TNNT1: variants seen among roughly 807,000 people sequenced by gnomAD.
TNNT1 encodes the protein troponin T, slow skeletal muscle.
TNNT1 carries 53 observed loss-of-function variants against 50.6 expected under a neutral mutation model. That is an observed-to-expected ratio of 1.05 (90% CI 0.84 to 1.32). The LOEUF is 1.32. Among genes scored for constraint, TNNT1 ranks in the 40% most tolerant of loss-of-function variants. The pLI is 0.00. For missense variants in TNNT1, 348 were observed against 381.7 expected, an observed-to-expected ratio of 0.91 and a Z score of 0.74; for synonymous variants, 142 against 138.0, an observed-to-expected ratio of 1.03 and a Z score of -0.20.
rs2085551955 is a variant in TNNT1 at position 55,146,391 on chromosome 19, G to T, written c.106+43C>A. 2.2e-6 allele frequency: 3 copies of T among 1,339,594 alleles called. No homozygotes were observed. In the South Asian group the frequency reaches 5.9e-5, roughly 26 times the overall value. 83.0% of individuals were successfully genotyped at this position (1,339,594 alleles called of 1,614,324 possible). On this transcript the variant is annotated intron_variant, in intron 5 of 13. Coordinates refer to ENST00000588981, the MANE Select transcript of TNNT1 (RefSeq NM_003283.6). ...CCCGAGGATATCGGGGGTCCCCCCGGGCCCCCGACATCGGTCTCGGGAAGC... is the reference window on the plus strand; with the variant it reads ...CCCGAGGATATCGGGGGTCCCCCCGTGCCCCCGACATCGGTCTCGGGAAGC...
rs760326240 is a variant in TNNT1, at chr19:55,141,869, G to A, written c.180C>T (p.Arg60=). 9.3e-6 allele frequency: 15 copies of A among 1,613,906 alleles called. No individual in the cohort carries two copies. In the African/African-American group the frequency reaches 1.9e-4, roughly 20 times the overall value. The change falls in exon 7 of 14, where the codon CGC becomes CGT. Residue 60 remains arginine (R), a synonymous_variant. Coordinates refer to ENST00000588981, the MANE Select transcript of TNNT1 (RefSeq NM_003283.6). ...LIPPKIPEGE[R]VDFDDIHRKR... is the part of the protein sequence containing the mutation. ...TCTTGTCACTTACATCGAAGTCAAC[G>A]CGCTCCCCTTCTGGGATCTTTGGCG...
chr19:55,133,066 C>T, intron 13 of TNNT1, 106 bp from the exon 14 acceptor site: 1 of 1,048,220 alleles, frequency 9.5e-7, no homozygotes, highest in Non-Finnish European at 1.4e-6. Context: ...ATTAGCCCTC[C>T]CTGCCCAGAG....
chr19:55,146,305 A>ACCGGGCCTGGGGGCGGGTC, intron 5 of TNNT1, 129 bp downstream of exon 5: 1 of 541,716 alleles, frequency 1.8e-6, no homozygotes, highest in East Asian at 3.6e-5. Flanking sequence ...GGCTTAAAGG[A>ACCGGGCCTGGGGGCGGGTC]CCGGGCCTGG....
rs1224321111 is a variant in TNNT1 at position 55,146,461 on chromosome 19, CG to C, written c.78del (p.Glu27LysfsTer24). 6.3e-6 allele frequency: 6 copies of C among 952,812 alleles called. No individual in the cohort carries two copies. The highest frequency in any genetic ancestry group is 2.5e-5 in the South Asian group (1 of 39,566). 59.0% of individuals were successfully genotyped at this position (952,812 alleles called of 1,614,324 possible). The stretch of plus-strand genomic sequence containing the variant: ...GGCTCTGCCACCGGCTCCGGCTCTT[CG>C]GGGGCTGGGGAGGGGAGGGAGGAGC... ...EEAAEEEEEA[P>X]EEPEPVAEPE... On this transcript the variant is annotated frameshift_variant, in exon 5 of 14. Coordinates refer to ENST00000588981, the MANE Select transcript of TNNT1 (RefSeq NM_003283.6). LOFTEE classifies it high-confidence loss of function.
At chr19:55,145,286 G>A in intron 6 of TNNT1, 1 of 545,076 alleles carries the variant, frequency 1.8e-6, no homozygotes, top group Non-Finnish European at 3.3e-6. Context: ...ACAGGGTGGA[G>A]ACTATGACCA....
chr19:55,135,921 C>T (rs1001363245), intron 11 of TNNT1, among the ~76,000 whole-genome samples: 1 of 152,198 alleles, frequency 6.6e-6, no homozygotes, highest in Non-Finnish European at 1.5e-5. Flanking sequence ...TTTCCCGTCT[C>T]CACACTCAGT....
chr19:55,140,808 A>AATCATC (rs1555857874), intron 9 of TNNT1, 75 bp downstream of exon 9: 1 of 1,018,544 alleles, frequency 9.8e-7, no homozygotes, highest in Non-Finnish European at 1.4e-6. Flanking sequence ...TAATAATAAT[A>AATCATC]ATAATAATAA....
intron 3 of TNNT1, 23 bp from the exon 4 acceptor site, chr19:55,146,730 GA>G: frequency 1.3e-6 from 2 of 1,496,160 alleles, no homozygotes; most frequent in South Asian, 1.4e-5. Flanking sequence ...GCACAGAAGA[GA>G]AGGCGTTAGG....
Position 55,141,386 on chromosome 19 carries a change from A to C in TNNT1, c.193-84T>G, listed in dbSNP as rs1350664872. 7 of 1,009,894 alleles carry C rather than the reference A, an allele frequency of 6.9e-6. No individual in the cohort carries two copies. In the African/African-American group the frequency reaches 7.9e-5, roughly 11 times the overall value. The allele number at this position is 1,009,894 out of a possible 1,614,324, so 62.6% of individuals were successfully genotyped here. A position where few individuals can be genotyped will look rare whatever the true frequency, so the allele number is the denominator to read the frequency against. On this transcript the variant is annotated intron_variant, in intron 7 of 13. Transcript: ENST00000588981. ...GCACCTCCCCCATGCAGGATGGTGA[A>C]CTGAACCGTTTCCCAGGACGGTATC...
chr19:55,142,057 G>A (rs771031581), intron 6 of TNNT1, 137 bp from the exon 7 acceptor site: 10 of 798,716 alleles, frequency 1.3e-5, no homozygotes, highest in Admixed American at 9.7e-5. Context: ...GCTGAGGCGG[G>A]CTGTCAGTGA....
Position 55,137,947 on chromosome 19 carries a change from G to A in TNNT1, c.501+14C>T. On this transcript the variant is annotated intron_variant, in intron 10 of 13. Coordinates refer to ENST00000588981, the MANE Select transcript of TNNT1 (RefSeq NM_003283.6). ...CTCAGAACTCAGACCTCAGGCTCCT[G>A]CAGGCTGACTCACCTTGACCAGGTA... 1 of 1,614,122 alleles carries A rather than the reference G, an allele frequency of 6.2e-7. No homozygotes were observed. The highest frequency in any genetic ancestry group is 8.5e-7 in the Non-Finnish European group (1 of 1,179,982).
intron 9 of TNNT1, among the ~76,000 whole-genome samples, chr19:55,138,441 C>A (rs1204465422): frequency 2.6e-5 from 4 of 152,206 alleles, no homozygotes; most frequent in Admixed American, 6.5e-5. Context: ...CCGCGCCCAA[C>A]TAATTTTTGT....
At chr19:55,147,076 A>G in intron 2 of TNNT1, 50 bp downstream of exon 2, 2 of 1,613,222 alleles carry the variant, frequency 1.2e-6, no homozygotes, top group Non-Finnish European at 1.7e-6. Flanking sequence ...CTGGGGTGGG[A>G]GAGCCTCTCC....
At chr19:55,134,569 TG>T (rs2085308357) in intron 11 of TNNT1, among the ~76,000 whole-genome samples, 1 of 148,278 alleles carries the variant, frequency 6.7e-6, no homozygotes, top group Non-Finnish European at 1.5e-5. Context: ...TCCGGCTACT[TG>T]GGAGGCTGAG....
intron 4 of TNNT1, 30 bp downstream of exon 4, chr19:55,146,651 G>T: frequency 1.3e-6 from 1 of 758,102 alleles, no homozygotes; most frequent in Non-Finnish European, 1.9e-6. Context: ...CCACCCCCCA[G>T]CTCCAGACCT....
intron 1 of TNNT1, among the ~76,000 whole-genome samples, chr19:55,148,779 C>T (rs964378086): frequency 1.3e-5 from 2 of 151,378 alleles, no homozygotes; most frequent in East Asian, 1.9e-4. Context: ...TCTTCTGAGA[C>T]CCCCCCAATT....
intron 12 of TNNT1, 34 bp from the exon 13 acceptor site, chr19:55,133,961 G>GGTGGGGAC (rs36210101): frequency 7.4e-6 from 12 of 1,613,060 alleles, no homozygotes; most frequent in Non-Finnish European, 1.0e-5. Flanking sequence ...TGGGACAGCC[G>GGTGGGGAC]GTGGGGACGT....
intron 8 of TNNT1, 41 bp downstream of exon 8, chr19:55,141,145 G>C (rs908158798): frequency 6.4e-7 from 1 of 1,556,340 alleles, no homozygotes; most frequent in African/African-American, 1.4e-5. Context: ...GGATCCACAT[G>C]GAGGGAGGAA....
chr19:55,147,330 G>A lies in TNNT1; in HGVS notation c.-11-162C>T, dbSNP rs535916576. 46 of 646,538 alleles carry A rather than the reference G, an allele frequency of 7.1e-5. No individual in the cohort carries two copies. In the African/African-American group the frequency reaches 7.4e-4, roughly 10 times the overall value. 40.1% of individuals were successfully genotyped at this position (646,538 alleles called of 1,614,324 possible). ...GGGGTCTGGACTCCTGGGTGTGAGA[G>A]AGGAGGAGCTGGGGCCTGGACTCCT... is the stretch of plus-strand genomic sequence containing the variant. On this transcript the variant is annotated intron_variant, in intron 1 of 13. Transcript: ENST00000588981.
Sources: allele counts gnomAD v4.1 joint callset (sites outside exome capture counted in the v4.1 genomes callset), GRCh38; gene constraint gnomAD v4.1.1; transcripts MANE v1.5; gene names NCBI Gene and HGNC (gene_info 2026-07-23, HGNC 2026-07-21).